RFFL: variants seen among roughly 807,000 people sequenced by gnomAD.
RFFL encodes E3 ubiquitin-protein ligase rififylin.
In RFFL, 16 loss-of-function variants were observed where a neutral mutation model predicts 40.4. That is an observed-to-expected ratio of 0.40 (90% CI 0.27 to 0.60). RFFL has a LOEUF of 0.60. RFFL is among the 20% of genes least tolerant of loss of function. The probability of loss-of-function intolerance (pLI) is 0.47; values close to 1 mark genes in which losing one functional copy is unlikely to be tolerated. For synonymous variants in RFFL, 154 were observed against 167.9 expected, an observed-to-expected ratio of 0.92 and a Z score of 0.64; for missense variants, 367 against 451.7, an observed-to-expected ratio of 0.81 and a Z score of 1.70.
rs576292331 is a variant in RFFL, at chr17:35,079,869, AG to A, written c.-9+9235del. Among the ~76,000 whole-genome samples the A allele has an allele frequency of 9.4e-4, 143 of 152,326 alleles. 1 individual carries two copies. The highest frequency in any genetic ancestry group is 3.2e-3 in the African/African-American group (132 of 41,570). On this transcript the variant is annotated intron_variant, in intron 1 of 6. Transcript: ENST00000315249. ...CTAAGGTATACTTTAGCTCTGACAC[AG>A]AAGGATTACACAAACTCTTCCATCA...
chr17:35,029,613 C>T (rs1275072817), intron 1 of RFFL, among the ~76,000 whole-genome samples: 1 of 150,972 alleles, frequency 6.6e-6, no homozygotes, highest in Non-Finnish European at 1.5e-5. Flanking sequence ...CTCCGCCTCC[C>T]GGGTTCACAC....
chr17:35,088,423 C>A (rs575429953), intron 1 of RFFL, among the ~76,000 whole-genome samples: 1 of 152,194 alleles, frequency 6.6e-6, no homozygotes, highest in Non-Finnish European at 1.5e-5. Context: ...TCTGAGCAGA[C>A]GTGCCAGCGG....
intron 1 of RFFL, among the ~76,000 whole-genome samples, chr17:35,080,055 A>T (rs1228818779): frequency 6.6e-6 from 1 of 152,128 alleles, no homozygotes; most frequent in East Asian, 1.9e-4. Context: ...AAAAATCCAG[A>T]TTCCTCAAAC....
chr17:35,062,182 AC>A (rs113405811), intron 1 of RFFL, among the ~76,000 whole-genome samples: 1,532 of 152,092 alleles, frequency 0.01, 24 homozygotes, highest in African/African-American at 0.035. Context: ...AGGCAGGTGG[AC>A]CATGAGGTCA....
chr17:35,073,656 A>G (rs2091361999), intron 1 of RFFL, among the ~76,000 whole-genome samples: 1 of 152,134 alleles, frequency 6.6e-6, no homozygotes, highest in South Asian at 2.1e-4. Flanking sequence ...ATCACCATTT[A>G]CTCCACTAAC....
intron 1 of RFFL, among the ~76,000 whole-genome samples, chr17:35,039,770 C>T (rs928270819): frequency 6.6e-6 from 1 of 150,580 alleles, no homozygotes; most frequent in Non-Finnish European, 1.5e-5. Context: ...CTCTGCCTCC[C>T]GGGTTCAAGC....
chr17:35,051,273 C>T (rs1330625097), intron 1 of RFFL, among the ~76,000 whole-genome samples: 7 of 152,194 alleles, frequency 4.6e-5, no homozygotes, highest in Admixed American at 4.6e-4. Context: ...ATGGAGACTT[C>T]TTCAGCCAAG....
intron 1 of RFFL, among the ~76,000 whole-genome samples, chr17:35,028,436 C>T (rs1044538676): frequency 3.3e-5 from 5 of 151,846 alleles, no homozygotes; most frequent in Non-Finnish European, 7.4e-5. Flanking sequence ...GATCACAAAA[C>T]AAAGAGGATC....
At position 35,079,203 on chromosome 17, in the gene RFFL, A is replaced by G. The variant is rs550146387; in HGVS notation, c.-9+9902T>C. 1.9e-4 allele frequency among the ~76,000 whole-genome samples: 29 copies of G among 152,164 alleles called. No individual in the cohort carries two copies. In the South Asian group the frequency reaches 4.4e-3, roughly 23 times the overall value. On this transcript the variant is annotated intron_variant, in intron 1 of 6. Transcript: ENST00000315249. The stretch of plus-strand genomic sequence containing the variant: ...ATGCCTGGCAAATTTTTGTATTTTT[A>G]GTAGAGACGAGGGTTTCACCCTGTT...
intron 1 of RFFL, among the ~76,000 whole-genome samples, chr17:35,034,611 C>A (rs765080081): frequency 1.3e-5 from 2 of 151,876 alleles, no homozygotes; most frequent in African/African-American, 4.8e-5. Flanking sequence ...TCACTGCAAC[C>A]GCCACCTCCC....
chr17:35,046,970 C>T (rs932066513), intron 1 of RFFL, among the ~76,000 whole-genome samples: 62 of 152,312 alleles, frequency 4.1e-4, no homozygotes, highest in Non-Finnish European at 1.3e-4. Flanking sequence ...CTTCTAACAA[C>T]GCTGAAAACA....
At chr17:35,059,012 C>G (rs903258809) in intron 1 of RFFL, among the ~76,000 whole-genome samples, 19 of 148,316 alleles carry the variant, frequency 1.3e-4, no homozygotes, top group African/African-American at 4.8e-4. Flanking sequence ...GAAGCTCGAG[C>G]TAGAATTTTT....
At chr17:35,087,208 G>A (rs1037315170) in intron 1 of RFFL, among the ~76,000 whole-genome samples, 1 of 152,036 alleles carries the variant, frequency 6.6e-6, no homozygotes, top group African/African-American at 2.4e-5. Context: ...AAAACTAGCT[G>A]GGTGTGGTTG....
chr17:35,065,816 A>G (rs999825060), upstream of RFFL, among the ~76,000 whole-genome samples: 1 of 152,218 alleles, frequency 6.6e-6, no homozygotes, highest in Non-Finnish European at 1.5e-5. Flanking sequence ...GGAAAGGTTG[A>G]GGATTACATT....
intron 1 of RFFL, among the ~76,000 whole-genome samples, chr17:35,033,530 AAAATAAAT>A (rs923959490): frequency 6.7e-6 from 1 of 149,936 alleles, no homozygotes; most frequent in Non-Finnish European, 1.5e-5. Context: ...CTCTGTCTCA[AAAATAAAT>A]AAATAAATAA....
intron 1 of RFFL, among the ~76,000 whole-genome samples, chr17:35,034,589 C>T (rs763661481): frequency 5.0e-4 from 75 of 151,384 alleles, no homozygotes; most frequent in Non-Finnish European, 7.7e-4. Flanking sequence ...AGTACAATGG[C>T]GCGATCTTGG....
At chr17:35,017,041 C>T (rs2090978226) in intron 4 of RFFL, among the ~76,000 whole-genome samples, 2 of 152,006 alleles carry the variant, frequency 1.3e-5, no homozygotes, top group African/African-American at 4.8e-5. Flanking sequence ...ATGGTGCTGG[C>T]CCTTCTCCCC....
chr17:35,029,320 G>A (rs2091065309), intron 1 of RFFL, among the ~76,000 whole-genome samples: 1 of 150,864 alleles, frequency 6.6e-6, no homozygotes, highest in African/African-American at 2.5e-5. Flanking sequence ...AGGAGGAATA[G>A]CCCTCTGAAA....
intron 1 of RFFL, among the ~76,000 whole-genome samples, chr17:35,051,410 A>G (rs2091230936): frequency 6.6e-6 from 1 of 152,102 alleles, no homozygotes; most frequent in South Asian, 2.1e-4. Context: ...ATCTCTTTCC[A>G]CCGCTGTACC....
Sources: allele counts gnomAD v4.1 joint callset (sites outside exome capture counted in the v4.1 genomes callset), GRCh38; gene constraint gnomAD v4.1.1; transcripts MANE v1.5; gene names NCBI Gene and HGNC (gene_info 2026-07-23, HGNC 2026-07-21).